Variants in ATP1A2 observed in about 807,000 individuals in gnomAD.
ATP1A2 encodes the protein sodium/potassium-transporting ATPase subunit alpha-2.
In ATP1A2, 56 loss-of-function variants were observed where a neutral mutation model predicts 113.1. That is an observed-to-expected ratio of 0.49 (90% CI 0.40 to 0.62). The LOEUF (loss-of-function observed/expected upper bound fraction) is 0.62. Ranked by LOEUF, ATP1A2 falls within the 20% of genes least tolerant of loss-of-function variation. The pLI is 0.00. For missense variants in ATP1A2, 712 were observed against 1,357.8 expected (o/e 0.52, Z 7.47); for synonymous variants, 490 against 526.8 (o/e 0.93, Z 0.96).
At chr1:160,124,112 G>A (rs766607996) in intron 5 of ATP1A2, 56 bp downstream of exon 5, 175 of 1,601,090 alleles carry the variant, frequency 1.1e-4, no homozygotes, top group Non-Finnish European at 1.4e-4. Context: ...CAAGAGTCCA[G>A]CTCATCTTTT....
intron 11 of ATP1A2, 36 bp from the exon 12 acceptor site, chr1:160,130,060 GACAAGT>G: frequency 6.2e-7 from 1 of 1,613,350 alleles, no homozygotes; most frequent in Non-Finnish European, 8.5e-7. Context: ...GCGCTACCAA[GACAAGT>G]ATGGCCCTCT....
At chr1:160,125,354 T>C (rs1651554264) in intron 7 of ATP1A2, 101 bp downstream of exon 7, 1 of 1,127,508 alleles carries the variant, frequency 8.9e-7, no homozygotes, top group African/African-American at 1.5e-5. Context: ...AGCTCTGCCA[T>C]TGGTGGGGCA....
At chr1:160,122,690 G>T (rs923635941) in intron 3 of ATP1A2, among the ~76,000 whole-genome samples, 1 of 152,174 alleles carries the variant, frequency 6.6e-6, no homozygotes, top group African/African-American at 2.4e-5. Context: ...GGGTGTGGAG[G>T]TGCCCACCTG....
chr1:160,125,456 T>A, intron 7 of ATP1A2: 1 of 591,914 alleles, frequency 1.7e-6, no homozygotes, highest in South Asian at 1.9e-5. Flanking sequence ...GGGAAATGTA[T>A]CTCCCTTCCC....
At chr1:160,128,945 AG>A (rs1558005959) in intron 9 of ATP1A2, 34 bp from the exon 10 acceptor site, 1 of 1,595,028 alleles carries the variant, frequency 6.3e-7, no homozygotes, top group Non-Finnish European at 8.5e-7. Flanking sequence ...CTCTAAAGGG[AG>A]CCACGCTCCT....
At chr1:160,140,150 G>A in intron 22 of ATP1A2, 166 bp downstream of exon 22, 1 of 699,012 alleles carries the variant, frequency 1.4e-6, no homozygotes, top group East Asian at 2.7e-5. Context: ...TTTCGAACCT[G>A]TTGTCTCTGC....
intron 1 of ATP1A2, among the ~76,000 whole-genome samples, chr1:160,116,414 G>A (rs1408785655): frequency 7.2e-5 from 11 of 152,060 alleles, no homozygotes; most frequent in Admixed American, 6.5e-4. Flanking sequence ...ACAGCTGGGC[G>A]GGGTGTGGGG....
chr1:160,116,641 C>G (rs1651196016), intron 1 of ATP1A2, among the ~76,000 whole-genome samples: 1 of 152,028 alleles, frequency 6.6e-6, no homozygotes, highest in Non-Finnish European at 1.5e-5. Context: ...GCTTTGAATT[C>G]TTGGAAATGA....
Position 160,123,426 on chromosome 1 carries a change from C to T in ATP1A2, c.381+10C>T. 6.2e-7 allele frequency: 1 copy of T among 1,614,146 alleles called. No individual in the cohort carries two copies. The highest frequency in any genetic ancestry group is 8.5e-7 in the Non-Finnish European group (1 of 1,180,018). ...ACCATCCAACGACAATGTGAGCCCA[C>T]ACGCCCGACCCGGGAACAGCCCGTG... On this transcript the variant is annotated intron_variant, in intron 4 of 22. Coordinates refer to ENST00000361216, the MANE Select transcript of ATP1A2 (RefSeq NM_000702.4).
chr1:160,116,024 T>C (rs1441225639), intron 1 of ATP1A2, 151 bp downstream of exon 1: 5 of 1,333,276 alleles, frequency 3.8e-6, no homozygotes, highest in Non-Finnish European at 5.3e-6. Context: ...AAACTACCAA[T>C]GTGTGTACAG....
chr1:160,115,988 C>A, intron 1 of ATP1A2, 115 bp downstream of exon 1: 1 of 1,483,550 alleles, frequency 6.7e-7, no homozygotes, highest in Non-Finnish European at 9.2e-7. Context: ...GAGTGGGATA[C>A]TTGGAACTTG....
chr1:160,129,897 G>A (rs979045921), intron 11 of ATP1A2, among the ~76,000 whole-genome samples: 9 of 152,162 alleles, frequency 5.9e-5, no homozygotes, highest in African/African-American at 2.2e-4. Context: ...TTGAATGAAA[G>A]ACTGTCCTAC....
chr1:160,139,975 T>C lies in ATP1A2; in HGVS notation c.3025T>C (p.Tyr1009His), dbSNP rs747646476. ...DEVRKLILRR[Y>H]PGGWVEKETY... ...GGTCCGAAAGCTCATCCTGCGGCGG[T>C]ATCCTGGTGGTAAGCCCCTCCACAT... The change falls in exon 22 of 23, where the codon TAT becomes CAT. Residue 1009 changes from tyrosine to histidine, a missense_variant. Around this residue, in one of 6 missense-constraint regions of ATP1A2, gnomAD observed 188 missense variants for 438.9 expected, o/e 0.43. Transcript: ENST00000361216. 6.2e-6 allele frequency: 10 copies of C among 1,613,732 alleles called. No individual in the cohort carries two copies. Among genetic ancestry groups the C allele is most frequent in the Middle Eastern group, 1.6e-4 (1 of 6,084 alleles).
intron 13 of ATP1A2, among the ~76,000 whole-genome samples, chr1:160,132,663 A>G (rs1651808397): frequency 6.6e-6 from 1 of 152,186 alleles, no homozygotes; most frequent in African/African-American, 2.4e-5. Context: ...GCAGGAGTAG[A>G]GAAAAGGAGT....
chr1:160,124,525 C>T, intron 6 of ATP1A2, 95 bp downstream of exon 6: 1 of 1,536,830 alleles, frequency 6.5e-7, no homozygotes, highest in Non-Finnish European at 8.8e-7. Flanking sequence ...GTGGAGAGAC[C>T]CAGGTCCAAA....
At chr1:160,119,284 G>T in intron 1 of ATP1A2, among the ~76,000 whole-genome samples, 1 of 24,890 alleles carries the variant, frequency 4.0e-5, no homozygotes, top group South Asian at 8.6e-4. Context: ...AAAAAAAAAA[G>T]CAAACACCTT....
chr1:160,135,738 A>G lies in ATP1A2; in HGVS notation c.2285-101A>G, dbSNP rs1205688086. 6.2e-7 allele frequency: 1 copy of G among 1,610,500 alleles called. No homozygotes were observed. Among genetic ancestry groups the G allele is most frequent in the Non-Finnish European group, 8.5e-7 (1 of 1,177,500 alleles). ...GCCCACTTTAGCTTCCCTTGAACAC[A>G]AAATCTTCCTCTCTTGGGAAGACAG... is the stretch of plus-strand genomic sequence containing the variant. On this transcript the variant is annotated intron_variant, in intron 16 of 22. Coordinates refer to ENST00000361216, the MANE Select transcript of ATP1A2 (RefSeq NM_000702.4). This position sits in a 1 kb window ranked among gnomAD's most constrained non-coding sequence, Gnocchi z 6.3.
chr1:160,125,547 A>G (rs1651561452), intron 7 of ATP1A2: 2 of 424,724 alleles, frequency 4.7e-6, no homozygotes, highest in Non-Finnish European at 8.8e-6. Context: ...CCCCTTACGC[A>G]TGCGCACACA....
rs776114360 is a variant in ATP1A2 at position 160,139,757 on chromosome 1, G to A, written c.2942+16G>A. On this transcript the variant is annotated intron_variant, in intron 21 of 22. Coordinates refer to ENST00000361216, the MANE Select transcript of ATP1A2 (RefSeq NM_000702.4). ...ACCCGCTCAAGTGAGTGTCTCTTTC[G>A]GGCGGCCTGAGTAGTCATACGGGGG... 30 of 1,613,878 alleles carry A rather than the reference G, an allele frequency of 1.9e-5. 1 individual carries two copies. In the Middle Eastern group the frequency reaches 6.6e-4, roughly 35 times the overall value.
Sources: allele counts gnomAD v4.1 joint callset (sites outside exome capture counted in the v4.1 genomes callset), GRCh38; gene constraint gnomAD v4.1.1; regional missense constraint gnomAD v4.1.1; non-coding constraint Gnocchi (gnomAD v3.1); transcripts MANE v1.5; gene names NCBI Gene and HGNC (gene_info 2026-07-23, HGNC 2026-07-21).